Variants in COIL observed in about 807,000 individuals in gnomAD.
The protein encoded by COIL is coilin, also known as coilin p80.
A neutral mutation model predicts 51.6 loss-of-function variants in COIL; 28 were observed. The observed-to-expected ratio is 0.54, with a 90% CI of 0.40 to 0.74. The LOEUF (loss-of-function observed/expected upper bound fraction) is 0.74, where lower values mean the gene tolerates loss of function less well. Among genes scored for constraint, COIL ranks in the 30% least tolerant of loss-of-function variants. The probability of loss-of-function intolerance (pLI) is 0.00; values close to 1 mark genes in which losing one functional copy is unlikely to be tolerated. For missense variants in COIL, 667 were observed against 685.9 expected, an observed-to-expected ratio of 0.97 and a Z score of 0.31; for synonymous variants, 233 against 255.8, an observed-to-expected ratio of 0.91 and a Z score of 0.85.
intron 5 of COIL, 67 bp from the exon 6 acceptor site, chr17:56,942,190 G>T: frequency 8.0e-7 from 1 of 1,247,500 alleles, no homozygotes; most frequent in Non-Finnish European, 1.2e-6. Flanking sequence ...GTTCCTCTAT[G>T]GGGAATTTAT....
intron 1 of COIL, among the ~76,000 whole-genome samples, chr17:56,954,518 G>A (rs563732279): frequency 1.3e-5 from 2 of 151,406 alleles, no homozygotes; most frequent in East Asian, 3.9e-4. Context: ...CCAAGATCAC[G>A]CCACCGCACT....
chr17:56,939,226 A>G, intron 6 of COIL, 72 bp from the exon 7 acceptor site: 1 of 834,728 alleles, frequency 1.2e-6, no homozygotes, highest in South Asian at 1.4e-5. Context: ...CAGCCACGTA[A>G]ATTTTCCGTC....
chr17:56,944,037 TG>T (rs959966888), intron 5 of COIL, among the ~76,000 whole-genome samples: 3 of 151,220 alleles, frequency 2.0e-5, no homozygotes, highest in South Asian at 2.1e-4. Flanking sequence ...AGCTATGTTT[TG>T]TTTTTTTTTT....
chr17:56,959,969 A>T (rs1910554149), intron 1 of COIL, among the ~76,000 whole-genome samples: 1 of 152,202 alleles, frequency 6.6e-6, no homozygotes, highest in Non-Finnish European at 1.5e-5. Context: ...TAATCCCAGC[A>T]CTTTGGGAAG....
intron 1 of COIL, chr17:56,951,973 G>T (rs1327632144): frequency 2.2e-5 from 4 of 184,388 alleles, no homozygotes; most frequent in Non-Finnish European, 4.5e-5. Context: ...GCTAATTTTT[G>T]TATTTTTAGT....
intron 1 of COIL, among the ~76,000 whole-genome samples, chr17:56,959,151 C>A (rs2144407463): frequency 6.6e-6 from 1 of 152,228 alleles, no homozygotes; most frequent in South Asian, 2.1e-4. Flanking sequence ...TCGAGACCAG[C>A]CTGGGCAACA....
At chr17:56,952,334 C>A (rs1264402321) in intron 1 of COIL, 1 of 450,688 alleles carries the variant, frequency 2.2e-6, no homozygotes, top group Non-Finnish European at 4.3e-6. Context: ...ACAACCTCGG[C>A]TGGCATCATA....
intron 1 of COIL, among the ~76,000 whole-genome samples, chr17:56,953,725 T>C (rs1236213925): frequency 6.6e-6 from 1 of 152,158 alleles, no homozygotes; most frequent in Non-Finnish European, 1.5e-5. Flanking sequence ...ATCCTGTGGA[T>C]TTACCTCAAT....
chr17:56,941,798 T>C (rs1406154800), intron 6 of COIL, among the ~76,000 whole-genome samples: 3 of 152,224 alleles, frequency 2.0e-5, no homozygotes, highest in Admixed American at 2.0e-4. Context: ...GGAATCCTTA[T>C]ATAGCTATAA....
chr17:56,959,917 G>T (rs1197088685), intron 1 of COIL, among the ~76,000 whole-genome samples: 1 of 152,202 alleles, frequency 6.6e-6, no homozygotes, highest in Non-Finnish European at 1.5e-5. Context: ...AAGGATGCTC[G>T]TTACACTGCA....
intron 5 of COIL, among the ~76,000 whole-genome samples, chr17:56,945,020 T>C (rs779995400): frequency 1.4e-4 from 19 of 139,188 alleles, no homozygotes; most frequent in South Asian, 6.9e-4. Context: ...GTCTCAAAAA[T>C]AAACAAACAA....
At chr17:56,954,838 G>A (rs538352902) in intron 1 of COIL, among the ~76,000 whole-genome samples, 2 of 151,968 alleles carry the variant, frequency 1.3e-5, no homozygotes, top group South Asian at 4.2e-4. Context: ...AAGATTGAGA[G>A]GCAAAATACC....
At chr17:56,956,295 G>A (rs1242969744) in intron 1 of COIL, among the ~76,000 whole-genome samples, 1 of 152,214 alleles carries the variant, frequency 6.6e-6, no homozygotes, top group African/African-American at 2.4e-5. Flanking sequence ...CTGGAGTGGA[G>A]TGACACGATC....
chr17:56,958,651 T>TTAGC (rs10630466), intron 1 of COIL, among the ~76,000 whole-genome samples: 26,274 of 152,158 alleles, frequency 0.17, 2,536 homozygotes, highest in African/African-American at 0.25. Flanking sequence ...ATAATTATAG[T>TTAGC]TAGCACAAGT....
In COIL at chr17:56,946,440, A is replaced by C. The variant is rs1171052621; in HGVS notation, c.1558+2T>G. ...TTTCAAATTATTTTCTAAAAGACTC[A>C]CCAGGTAAGGATGAAAGAATTTCTA... On this transcript the variant is annotated splice_donor_variant, in intron 5 of 6. Transcript: ENST00000240316. LOFTEE classifies it high-confidence loss of function. 1 of 1,593,324 alleles carries C rather than the reference A, an allele frequency of 6.3e-7. No homozygotes were observed. Among genetic ancestry groups the C allele is most frequent in the Non-Finnish European group, 8.6e-7 (1 of 1,162,192 alleles).
At chr17:56,958,982 G>C (rs1251293784) in intron 1 of COIL, among the ~76,000 whole-genome samples, 3 of 152,098 alleles carry the variant, frequency 2.0e-5, no homozygotes, top group Admixed American at 2.0e-4. Flanking sequence ...CAACGACAAA[G>C]GGCAGCAAGA....
At chr17:56,952,143 T>C in intron 1 of COIL, 2 of 465,476 alleles carry the variant, frequency 4.3e-6, no homozygotes, top group South Asian at 1.6e-5. Flanking sequence ...TGATGAAGCA[T>C]GGTTACACTG....
intron 1 of COIL, among the ~76,000 whole-genome samples, chr17:56,956,511 C>G (rs1910486955): frequency 1.3e-5 from 2 of 152,176 alleles, no homozygotes; most frequent in African/African-American, 4.8e-5. Flanking sequence ...CCACCTCGGC[C>G]TCCCAAAGTG....
Position 56,949,728 on chromosome 17 carries a change from G to T in COIL, c.1393C>A (p.Pro465Thr), listed in dbSNP as rs778117733. The part of the protein sequence containing the change: ...ETPKKDYSLL[P>T]LLAAAPQVGE... Reference sequence around the variant, plus strand: ...ACTTGAGGGGCAGCTGCTAACAGTGGTAACAGACTATAGTCCTTCTTGGGT... The same window carrying T: ...ACTTGAGGGGCAGCTGCTAACAGTGTTAACAGACTATAGTCCTTCTTGGGT... Residue 465 changes from proline (P) to threonine (T), a missense_variant, in exon 3 of 7, where the codon CCA (proline) becomes ACA (threonine). Pro to Thr is a conservative substitution (Grantham distance 38, BLOSUM62 -1). Transcript: ENST00000240316. 6.2e-7 allele frequency: 1 copy of T among 1,614,056 alleles called. No individual in the cohort carries two copies. Among genetic ancestry groups the T allele is most frequent in the Non-Finnish European group, 8.5e-7 (1 of 1,180,008 alleles).
Sources: gnomAD v4.1 joint callset for allele counts (sites outside exome capture counted in the v4.1 genomes callset) on GRCh38, gnomAD v4.1.1 for gene constraint, MANE v1.5 for transcripts, NCBI Gene and HGNC (gene_info 2026-07-23, HGNC 2026-07-21) for gene names.